Variants in MPND observed in about 807,000 individuals in gnomAD.
MPND encodes MPN domain-containing protein.
Under a neutral mutation model 59.2 loss-of-function variants are expected in MPND, and 56 were observed. That is an observed-to-expected ratio of 0.95 (90% confidence interval 0.76 to 1.18). The LOEUF (loss-of-function observed/expected upper bound fraction) is 1.18. MPND is among the 50% of genes most tolerant of loss of function. MPND has a pLI of 0.00. For missense variants in MPND, 671 were observed against 676.0 expected (o/e 0.99, Z 0.08); for synonymous variants, 323 against 291.9 (o/e 1.11, Z -1.09).
chr19:4,352,406 C>T (rs114086165), intron 3 of MPND, among the ~76,000 whole-genome samples: 3,912 of 152,116 alleles, frequency 0.026, 159 homozygotes, highest in African/African-American at 0.09. Flanking sequence ...CGAGGTGAGC[C>T]GGGTGCGGTG....
At chr19:4,351,251 T>G (rs1488606285) in intron 3 of MPND, among the ~76,000 whole-genome samples, 4 of 152,050 alleles carry the variant, frequency 2.6e-5, no homozygotes, top group Admixed American at 6.6e-5. Flanking sequence ...TTGCAGGTGT[T>G]CGCCACCATG....
intron 11 of MPND, 75 bp from the exon 12 acceptor site, chr19:4,359,088 T>C: frequency 3.0e-6 from 3 of 993,600 alleles, no homozygotes; most frequent in Admixed American, 3.7e-5. Flanking sequence ...TGCCTGAGAC[T>C]GGAACCCCAG....
intron 3 of MPND, among the ~76,000 whole-genome samples, 178 bp from the exon 4 acceptor site, chr19:4,352,719 T>TA (rs60305318): frequency 2.0e-5 from 3 of 151,512 alleles, no homozygotes; most frequent in East Asian, 1.9e-4. Flanking sequence ...TACAAATAAA[T>TA]AAAAAAAAAT....
At chr19:4,355,314 T>A in intron 8 of MPND, 141 bp downstream of exon 8, 1 of 742,398 alleles carries the variant, frequency 1.3e-6, no homozygotes, top group Non-Finnish European at 2.2e-6. Context: ...TGGGACCCCA[T>A]GGTGAAGGGT....
chr19:4,344,169 C>T (rs1401784999), intron 2 of MPND, among the ~76,000 whole-genome samples, 175 bp downstream of exon 2: 1 of 150,038 alleles, frequency 6.7e-6, no homozygotes, highest in Non-Finnish European at 1.5e-5. Context: ...GCCCGGGGCT[C>T]CGTTGACTGC....
At chr19:4,344,599 C>T (rs557614032) in intron 2 of MPND, among the ~76,000 whole-genome samples, 7 of 152,312 alleles carry the variant, frequency 4.6e-5, no homozygotes, top group South Asian at 4.1e-4. Flanking sequence ...GGCAACACCC[C>T]GGCCTTCCTG....
intron 11 of MPND, among the ~76,000 whole-genome samples, chr19:4,358,712 G>A (rs541932899): frequency 4.6e-5 from 7 of 152,284 alleles, no homozygotes; most frequent in African/African-American, 9.6e-5. Context: ...TCTTGAACCC[G>A]GGAGGTGGAG....
chr19:4,350,070 G>A (rs982713845), intron 3 of MPND, among the ~76,000 whole-genome samples: 8 of 152,114 alleles, frequency 5.3e-5, no homozygotes, highest in East Asian at 1.9e-4. Flanking sequence ...GGAGTTGTGG[G>A]GGAAGAAGGT....
In MPND at chr19:4,357,337, C is replaced by T; in HGVS notation, c.1081C>T (p.Gln361Ter). 1 of 1,613,276 alleles carries T rather than the reference C, an allele frequency of 6.2e-7. No individual in the cohort carries two copies. The highest frequency in any genetic ancestry group is 8.5e-7 in the Non-Finnish European group (1 of 1,180,012). Residue 361 changes from glutamine (Q) to a stop codon, truncating the protein, a stop_gained, in exon 9 of 13, where the codon CAG becomes TAG. Transcript: ENST00000599840. LOFTEE classifies it high-confidence loss of function. ...HPHSPALPSLQDIDAQMDYQL... is the reference protein window; with the variant it reads ...HPHSPALPSL ...ACACAGCCCGGCGCTGCCATCTCTG[C>T]AGGACATCGACGCACAGATGGACTA...
At chr19:4,355,714 C>G (rs1285544574) in intron 8 of MPND, among the ~76,000 whole-genome samples, 1 of 151,696 alleles carries the variant, frequency 6.6e-6, no homozygotes. Flanking sequence ...CGTGATCCGC[C>G]CACCTCAGCC....
intron 3 of MPND, 53 bp from the exon 4 acceptor site, chr19:4,352,844 G>GT: frequency 7.6e-7 from 1 of 1,312,994 alleles, no homozygotes; most frequent in Non-Finnish European, 9.8e-7. Context: ...CAGGGAGCGG[G>GT]GGGGCACCCA....
At chr19:4,344,111 A>C in intron 2 of MPND, 117 bp downstream of exon 2, 1 of 761,238 alleles carries the variant, frequency 1.3e-6, no homozygotes, top group Non-Finnish European at 1.8e-6. Context: ...TGAGGCCCGG[A>C]GCTCCCTTGC....
intron 4 of MPND, 130 bp from the exon 5 acceptor site, chr19:4,353,915 A>C (rs990752732): frequency 1.4e-6 from 1 of 732,604 alleles, no homozygotes; most frequent in Non-Finnish European, 2.4e-6. Flanking sequence ...TGCAGCCTCA[A>C]CCTCCCATGC....
chr19:4,348,837 A>G (rs1384316982), intron 3 of MPND: 2 of 152,300 alleles, frequency 1.3e-5, no homozygotes, highest in Non-Finnish European at 2.9e-5. Flanking sequence ...TTTTATTTTT[A>G]GTGGAGACGG....
chr19:4,351,076 T>C (rs1179451071), intron 3 of MPND, among the ~76,000 whole-genome samples: 3 of 151,918 alleles, frequency 2.0e-5, no homozygotes, highest in Non-Finnish European at 4.4e-5. Context: ...ACAAGGGCAG[T>C]TTAGGACAGA....
At chr19:4,353,509 C>T (rs924801004) in intron 4 of MPND, among the ~76,000 whole-genome samples, 2 of 152,154 alleles carry the variant, frequency 1.3e-5, no homozygotes, top group Non-Finnish European at 2.9e-5. Flanking sequence ...CTCAGGTGAT[C>T]CACCTGCCTC....
intron 2 of MPND, among the ~76,000 whole-genome samples, chr19:4,345,375 A>G (rs1260449193): frequency 2.0e-5 from 3 of 152,102 alleles, no homozygotes; most frequent in Non-Finnish European, 2.9e-5. Context: ...TGTTGTCATT[A>G]TTGTTTGATT....
Position 4,343,792 on chromosome 19 carries a change from A to C in MPND, c.92A>C (p.Glu31Ala), listed in dbSNP as rs962124605. The change falls in exon 2 of 13, where the codon GAG (glutamate) becomes GCG (alanine). Residue 31 changes from glutamate (E) to alanine (A), a missense_variant. Physicochemically the swap from Glu to Ala is moderately radical, Grantham distance 107. Transcript: ENST00000599840. ...DEDEAEAEDP[E>A]RPNAGAGGGR... ...GACGAAGCGGAGGCCGAGGACCCTG[A>C]GCGGCCGAATGCGGGAGCGGGCGGT... 1.1e-4 allele frequency: 129 copies of C among 1,207,318 alleles called. No homozygotes were observed. The highest frequency in any genetic ancestry group is 1.2e-4 in the Non-Finnish European group (115 of 972,404). 74.8% of individuals were successfully genotyped at this position (1,207,318 alleles called of 1,614,324 possible). A position where few individuals can be genotyped will look rare whatever the true frequency, so the allele number is the denominator to read the frequency against.
chr19:4,349,785 G>A (rs772690127), intron 3 of MPND, among the ~76,000 whole-genome samples: 10 of 152,200 alleles, frequency 6.6e-5, no homozygotes, highest in Non-Finnish European at 1.3e-4. Flanking sequence ...TGCTGGGATT[G>A]CAGGCGTGAG....
Sources: allele counts gnomAD v4.1 joint callset (sites outside exome capture counted in the v4.1 genomes callset), GRCh38; gene constraint gnomAD v4.1.1; transcripts MANE v1.5; gene names NCBI Gene and HGNC (gene_info 2026-07-23, HGNC 2026-07-21).